The following RARB variants were observed in gnomAD, a reference collection of about 807,000 sequenced individuals.
The protein encoded by RARB is HBV-activated protein.
RARB carries 17 observed loss-of-function variants against 51.9 expected under a neutral mutation model. The ratio of observed to expected loss-of-function variants is 0.33; its 90% CI spans 0.22 to 0.49. The LOEUF (loss-of-function observed/expected upper bound fraction) is 0.49. Ranked by LOEUF, RARB falls within the 20% of genes least tolerant of loss-of-function variation. The probability of loss-of-function intolerance (pLI) is 0.99; values close to 1 mark genes in which losing one functional copy is unlikely to be tolerated. For missense variants in RARB, 369 were observed against 550.8 expected, an observed-to-expected ratio of 0.67 and a Z score of 3.30; for synonymous variants, 215 against 195.4, an observed-to-expected ratio of 1.10 and a Z score of -0.84.
At chr3:25,043,235 T>A (rs148257789) in intron 2 of RARB, among the ~76,000 whole-genome samples, 1 of 152,246 alleles carries the variant, frequency 6.6e-6, no homozygotes. Context: ...TCTTTTTTAA[T>A]GTTGGATTCA....
At chr3:25,135,557 C>G (rs1700019808) in intron 4 of RARB, among the ~76,000 whole-genome samples, 1 of 151,900 alleles carries the variant, frequency 6.6e-6, no homozygotes, top group Non-Finnish European at 1.5e-5. Flanking sequence ...GTGTTGTTCT[C>G]AGCAGGATAG....
chr3:25,161,245 G>T (rs1050159740), intron 4 of RARB, among the ~76,000 whole-genome samples: 1 of 150,770 alleles, frequency 6.6e-6, no homozygotes, highest in Non-Finnish European at 1.5e-5. Context: ...ACAGGGTTTC[G>T]CTATGTTTGC....
intron 5 of RARB, among the ~76,000 whole-genome samples, chr3:25,319,831 TTCAGGATATACTC>T (rs1461627397): frequency 6.6e-6 from 1 of 152,168 alleles, no homozygotes; most frequent in African/African-American, 2.4e-5. Context: ...CATTTATTGA[TTCAGGATATACTC>T]TCAGTCACTT....
rs192558148 is a variant in RARB at position 25,049,744 on chromosome 3, A to C, written c.-379-10381A>C. 1.1e-4 allele frequency among the ~76,000 whole-genome samples: 17 copies of C among 152,380 alleles called. No homozygotes were observed. The East Asian group carries it at 3.3e-3, about 29-fold the overall frequency. ...ATCTTCACATTTGTTTGAAGATACA[A>C]CTAATCCAAACTGATGTGTTAACTA... On this transcript the variant is annotated intron_variant, in intron 2 of 11. Coordinates refer to the RARB transcript ENST00000383772.
intron 2 of RARB, among the ~76,000 whole-genome samples, chr3:24,860,254 T>C (rs1476003095): frequency 6.6e-6 from 1 of 152,128 alleles, no homozygotes; most frequent in African/African-American, 2.4e-5. Flanking sequence ...TGGGTGTTGA[T>C]TCTGATTGTT....
intron 2 of RARB, among the ~76,000 whole-genome samples, chr3:25,050,347 G>T (rs1698304989): frequency 6.6e-6 from 1 of 151,992 alleles, no homozygotes; most frequent in Non-Finnish European, 1.5e-5. Flanking sequence ...TCATGAAATG[G>T]TCAGTATTTT....
At chr3:25,440,526 A>C (rs1708623887) in intron 1 of RARB, among the ~76,000 whole-genome samples, 1 of 152,008 alleles carries the variant, frequency 6.6e-6, no homozygotes, top group African/African-American at 2.4e-5. Flanking sequence ...TAATCCCAGC[A>C]CTTTGGGAGG....
At chr3:25,449,901 G>A (rs564399663) in intron 1 of RARB, among the ~76,000 whole-genome samples, 36 of 151,936 alleles carry the variant, frequency 2.4e-4, no homozygotes, top group African/African-American at 5.1e-4. Flanking sequence ...ACAGGCGCAC[G>A]CCACCACAAA....
chr3:25,421,575 C>A (rs900602058), intron 5 of RARB, among the ~76,000 whole-genome samples: 12 of 151,810 alleles, frequency 7.9e-5, no homozygotes, highest in Admixed American at 7.2e-4. Context: ...CCATGCCCGG[C>A]TAATTTTTTT....
chr3:25,493,850 A>C (rs1188413498), intron 2 of RARB, among the ~76,000 whole-genome samples: 2 of 152,216 alleles, frequency 1.3e-5, no homozygotes, highest in Non-Finnish European at 2.9e-5. Context: ...CACATTCCAC[A>C]CATGTTAAAC....
chr3:24,864,069 A>C (rs1223600688), intron 2 of RARB, among the ~76,000 whole-genome samples: 1 of 152,206 alleles, frequency 6.6e-6, no homozygotes, highest in Non-Finnish European at 1.5e-5. Context: ...AATGTAGACA[A>C]GTTTCACTAA....
chr3:25,218,917 G>A (rs1701888862), intron 5 of RARB, among the ~76,000 whole-genome samples: 2 of 152,164 alleles, frequency 1.3e-5, no homozygotes, highest in African/African-American at 4.8e-5. Context: ...TCAGAGCAGT[G>A]TGAGTTTCTA....
intron 5 of RARB, among the ~76,000 whole-genome samples, chr3:25,346,432 G>A (rs1023222208): frequency 2.0e-5 from 3 of 152,120 alleles, no homozygotes; most frequent in Non-Finnish European, 2.9e-5. Context: ...TAATTAATTA[G>A]GTGGTCAAAT....
rs114841610 is a variant in RARB at position 24,878,094 on chromosome 3, G to A, written c.-380+19342G>A. On this transcript the variant is annotated intron_variant, in intron 2 of 11. Transcript: ENST00000383772. Reference sequence around the variant, plus strand: ...AAAGTGAGTGTTTTGAGGCTATGTCGTTAGCCATATACTTGTTTAGAATTG... The same window carrying A: ...AAAGTGAGTGTTTTGAGGCTATGTCATTAGCCATATACTTGTTTAGAATTG... Among the ~76,000 whole-genome samples the A allele has an allele frequency of 7.5e-3, 1,137 of 152,228 alleles. 13 individuals are homozygous for A. Among genetic ancestry groups the A allele is most frequent in the African/African-American group, 0.026 (1,082 of 41,552 alleles).
intron 5 of RARB, among the ~76,000 whole-genome samples, chr3:25,210,840 C>G (rs779539172): frequency 1.3e-5 from 2 of 152,018 alleles, no homozygotes; most frequent in African/African-American, 2.4e-5. Context: ...CAGCCTTTGT[C>G]TGATTCTTTA....
At chr3:24,957,417 A>T (rs370215883) in intron 2 of RARB, among the ~76,000 whole-genome samples, 1 of 152,206 alleles carries the variant, frequency 6.6e-6, no homozygotes, top group Admixed American at 6.5e-5. Context: ...ACGACAGCCC[A>T]TAAGAGTTGT....
rs116917384 is a variant in RARB at position 25,542,287 on chromosome 3, A to G, written c.449-27471A>G. ...CTACTTGCAGGCCAATAAAGTATACAAAAAATCTTTTAAAAAATGATTATG... is the reference window on the plus strand; with the variant it reads ...CTACTTGCAGGCCAATAAAGTATACGAAAAATCTTTTAAAAAATGATTATG... On this transcript the variant is annotated intron_variant, in intron 3 of 7. Coordinates refer to ENST00000330688, the MANE Select transcript of RARB (RefSeq NM_000965.5). 3.9e-3 allele frequency among the ~76,000 whole-genome samples: 588 copies of G among 152,370 alleles called. 16 individuals are homozygous for G. The East Asian group carries it at 0.074, about 19-fold the overall frequency.
intron 5 of RARB, among the ~76,000 whole-genome samples, chr3:25,339,311 G>A (rs1299768864): frequency 6.6e-6 from 1 of 152,150 alleles, no homozygotes; most frequent in African/African-American, 2.4e-5. Context: ...ATACTCTGTA[G>A]CCTCACTTGT....
At chr3:25,325,714 T>C (rs1704696101) in intron 5 of RARB, among the ~76,000 whole-genome samples, 2 of 151,432 alleles carry the variant, frequency 1.3e-5, no homozygotes, top group South Asian at 4.2e-4. Flanking sequence ...CCCATGCCAC[T>C]GGTTCTTCTC....
Sources: gnomAD v4.1 joint callset for allele counts (sites outside exome capture counted in the v4.1 genomes callset) on GRCh38, gnomAD v4.1.1 for gene constraint, MANE v1.5 for transcripts, NCBI Gene and HGNC (gene_info 2026-07-23, HGNC 2026-07-21) for gene names.